Variants in ZFYVE9 observed in about 807,000 individuals in gnomAD.
ZFYVE9 encodes zinc finger FYVE domain-containing protein 9.
Under a neutral mutation model 126.7 loss-of-function variants are expected in ZFYVE9, and 43 were observed. The observed-to-expected ratio is 0.34, with a 90% CI of 0.27 to 0.44. ZFYVE9 has a LOEUF of 0.44. Ranked by LOEUF, ZFYVE9 falls within the 20% of genes least tolerant of loss-of-function variation. The pLI is 1.00. For missense variants in ZFYVE9, 1,476 were observed against 1,697.0 expected, an observed-to-expected ratio of 0.87 and a Z score of 2.29; for synonymous variants, 521 against 597.4, an observed-to-expected ratio of 0.87 and a Z score of 1.87.
chr1:52,306,380 A>G (rs1401650884), intron 13 of ZFYVE9, among the ~76,000 whole-genome samples: 1 of 152,062 alleles, frequency 6.6e-6, no homozygotes, highest in Non-Finnish European at 1.5e-5. Context: ...CTCTGCTGAG[A>G]GCTGAATACT....
intron 4 of ZFYVE9, among the ~76,000 whole-genome samples, chr1:52,256,772 C>T (rs1019174525): frequency 7.1e-6 from 1 of 140,248 alleles, no homozygotes; most frequent in African/African-American, 2.7e-5. Flanking sequence ...TGCTTTAGAT[C>T]TTATGATACT....
At chr1:52,281,344 A>G (rs1211914552) in intron 9 of ZFYVE9, among the ~76,000 whole-genome samples, 7 of 152,088 alleles carry the variant, frequency 4.6e-5, no homozygotes. Flanking sequence ...CGTGTTAGCC[A>G]GGATGGTCTT....
At chr1:52,303,382 A>G (rs1371414490) in intron 12 of ZFYVE9, among the ~76,000 whole-genome samples, 1 of 152,132 alleles carries the variant, frequency 6.6e-6, no homozygotes, top group African/African-American at 2.4e-5. Flanking sequence ...CCCATACTGG[A>G]TAGATGATGT....
At chr1:52,266,348 C>T (rs1322132604) in intron 5 of ZFYVE9, among the ~76,000 whole-genome samples, 3 of 146,782 alleles carry the variant, frequency 2.0e-5, no homozygotes, top group Non-Finnish European at 4.4e-5. Context: ...CCACCCGCCT[C>T]GGCCTCCCAA....
chr1:52,160,223 G>A (rs597405), intron 1 of ZFYVE9: 740,254 of 762,578 alleles, frequency 0.97, 359,334 homozygotes, highest in East Asian at 1. Flanking sequence ...TGCTCCCATC[G>A]CATCACGACA....
chr1:52,339,013 GAA>G (rs560148411), intron 16 of ZFYVE9, among the ~76,000 whole-genome samples: 3 of 148,102 alleles, frequency 2.0e-5, no homozygotes, highest in African/African-American at 7.4e-5. Flanking sequence ...TCTGTCTCAA[GAA>G]AAAAAAAATA....
rs1158060999 is a variant in ZFYVE9, at chr1:52,340,269, A to T, written c.3939+38A>T. On this transcript the variant is annotated intron_variant, in intron 17 of 18. Coordinates refer to ENST00000287727, the MANE Select transcript of ZFYVE9 (RefSeq NM_004799.4). ...AACTTGGCATACTTGACCCACTTTG[A>T]GCACAACTTTTTGCTAGGCCAAGAG... is the stretch of plus-strand genomic sequence containing the variant. 4 of 1,544,538 alleles carry T rather than the reference A, an allele frequency of 2.6e-6. No individual in the cohort carries two copies. In the South Asian group the frequency reaches 4.5e-5, roughly 17 times the overall value.
At chr1:52,234,774 G>A (rs1645258399) in intron 3 of ZFYVE9, among the ~76,000 whole-genome samples, 1 of 152,270 alleles carries the variant, frequency 6.6e-6, no homozygotes. Context: ...TCATCCAGGT[G>A]GGCTTTGTAC....
intron 16 of ZFYVE9, among the ~76,000 whole-genome samples, chr1:52,339,483 G>A (rs1369615265): frequency 6.6e-6 from 1 of 152,092 alleles, no homozygotes; most frequent in African/African-American, 2.4e-5. Context: ...TAGAGGTAGG[G>A]TTTTGCTATG....
intron 4 of ZFYVE9, among the ~76,000 whole-genome samples, chr1:52,259,438 CAA>C (rs1222365614): frequency 6.6e-6 from 1 of 151,474 alleles, no homozygotes; most frequent in African/African-American, 2.4e-5. Flanking sequence ...AAAAACTAAT[CAA>C]AATAAAATAA....
At chr1:52,163,295 C>G (rs1281946814) in intron 1 of ZFYVE9, among the ~76,000 whole-genome samples, 1 of 152,136 alleles carries the variant, frequency 6.6e-6, no homozygotes, top group Non-Finnish European at 1.5e-5. Context: ...TAACTATGCC[C>G]TTGAAGTTGT....
intron 10 of ZFYVE9, among the ~76,000 whole-genome samples, chr1:52,291,564 T>C (rs1645920716): frequency 6.6e-6 from 1 of 152,170 alleles, no homozygotes; most frequent in Non-Finnish European, 1.5e-5. Context: ...AAAAGTATTT[T>C]GAATTATAAA....
chr1:52,183,701 T>C (rs1002165222), intron 1 of ZFYVE9, among the ~76,000 whole-genome samples: 2 of 152,180 alleles, frequency 1.3e-5, no homozygotes, highest in Admixed American at 1.3e-4. Flanking sequence ...AGACAGGATT[T>C]CACCATGTTG....
In ZFYVE9 at chr1:52,337,785, C is replaced by T. The variant is rs757250000; in HGVS notation, c.3684C>T (p.Val1228=). 7.9e-5 allele frequency: 128 copies of T among 1,614,122 alleles called. 3 individuals are homozygous for T. In the South Asian group the frequency reaches 1.4e-3, roughly 18 times the overall value. Residue 1228 remains valine (V), a synonymous_variant, in exon 16 of 19, where the codon GTC becomes GTT. Transcript: ENST00000287727. ...KSSIVEDGVM[V]QITAENMDSL... is the part of the protein sequence containing the mutation. The stretch of plus-strand genomic sequence containing the variant: ...ACTGATTCTTAGATGGTGTTATGGT[C>T]CAGATTACTGCAGAGAACATGGATT...
chr1:52,194,997 A>G (rs1644847418), intron 1 of ZFYVE9, among the ~76,000 whole-genome samples: 1 of 152,144 alleles, frequency 6.6e-6, no homozygotes, highest in Non-Finnish European at 1.5e-5. Context: ...ATATATTATA[A>G]TAATATATAA....
intron 1 of ZFYVE9, among the ~76,000 whole-genome samples, chr1:52,203,880 T>C (rs993621429): frequency 5.3e-5 from 8 of 152,134 alleles, no homozygotes; most frequent in Non-Finnish European, 8.8e-5. Flanking sequence ...ATTTCTGTTA[T>C]CGTGTTTTTG....
At chr1:52,192,592 A>G (rs945259606) in intron 1 of ZFYVE9, among the ~76,000 whole-genome samples, 2 of 152,242 alleles carry the variant, frequency 1.3e-5, no homozygotes, top group African/African-American at 2.4e-5. Context: ...TGATTTGGCC[A>G]CAAACAAAAC....
rs1645173871 is a variant in ZFYVE9 at position 52,226,719 on chromosome 1, C to A, written c.-36-6452C>A. 2.0e-5 allele frequency among the ~76,000 whole-genome samples: 3 copies of A among 152,164 alleles called. No homozygotes were observed. In the South Asian group the frequency reaches 6.2e-4, roughly 31 times the overall value. On this transcript the variant is annotated intron_variant, in intron 2 of 18. Coordinates refer to ENST00000287727, the MANE Select transcript of ZFYVE9 (RefSeq NM_004799.4). The stretch of plus-strand genomic sequence containing the variant: ...TACATTTTAGGGAGACATGAGACAT[C>A]AATCAACATATGTAAGATGAACATT...
intron 1 of ZFYVE9, among the ~76,000 whole-genome samples, chr1:52,166,030 A>G (rs1346618177): frequency 1.3e-5 from 2 of 152,156 alleles, no homozygotes; most frequent in East Asian, 3.8e-4. Context: ...ATACCGTCAC[A>G]CTTTGGTATG....
Sources: allele counts gnomAD v4.1 joint callset (sites outside exome capture counted in the v4.1 genomes callset), GRCh38; gene constraint gnomAD v4.1.1; transcripts MANE v1.5; gene names NCBI Gene and HGNC (gene_info 2026-07-23, HGNC 2026-07-21).